RTL10: variants seen among roughly 807,000 people sequenced by gnomAD.
The protein encoded by RTL10 is retrotransposon Gag like 10, also known as protein Bop.
For synonymous variants in RTL10, 199 were observed against 188.4 expected (o/e 1.06, Z -0.46); for missense variants, 477 against 470.7 (o/e 1.01, Z -0.12).
rs1316327208 is a variant in RTL10 at position 19,846,721 on chromosome 22, T to C, written c.*4446A>G. The C allele has an allele frequency of 2.8e-6, 1 of 357,498 alleles. No homozygotes were observed. Among genetic ancestry groups the C allele is most frequent in the African/African-American group, 2.2e-5 (1 of 45,278 alleles). 22.1% of individuals were successfully genotyped at this position (357,498 alleles called of 1,614,324 possible). A position where few individuals can be genotyped will look rare whatever the true frequency, so the allele number is the denominator to read the frequency against. On this transcript the variant is annotated 3_prime_UTR_variant, in exon 3 of 3. Transcript: ENST00000328554. The stretch of plus-strand genomic sequence containing the variant: ...CTGATCCAATAGACTAGTGAGCTTA[T>C]GAGAGATTAGGACACAGACACAGAC...
At position 19,846,490 on chromosome 22, in the gene RTL10, A is replaced by C; in HGVS notation, c.*4677T>G. ...GGCCTGGGGGACTCTGCACACAGGCATGTGGAGACCACAGAAGCCTGCCCA... is the reference window on the plus strand; with the variant it reads ...GGCCTGGGGGACTCTGCACACAGGCCTGTGGAGACCACAGAAGCCTGCCCA... On this transcript the variant is annotated 3_prime_UTR_variant, in exon 3 of 3. Transcript: ENST00000328554. 3 of 985,382 alleles carry C rather than the reference A, an allele frequency of 3.0e-6. No individual in the cohort carries two copies. Among genetic ancestry groups the C allele is most frequent in the Non-Finnish European group, 3.6e-6 (3 of 829,872 alleles). 61.0% of individuals were successfully genotyped at this position (985,382 alleles called of 1,614,324 possible). A position where few individuals can be genotyped will look rare whatever the true frequency, so the allele number is the denominator to read the frequency against.
In RTL10 at chr22:19,846,306, G is replaced by C; in HGVS notation, c.*4861C>G. On this transcript the variant is annotated 3_prime_UTR_variant, in exon 3 of 3. Coordinates refer to ENST00000328554, the MANE Select transcript of RTL10 (RefSeq NM_024627.6). ...CAAGGTTGAATGTCAAAGGCAGAAAGTTACAACCTGGGAATACAGGATAAT... is the reference window on the plus strand; with the variant it reads ...CAAGGTTGAATGTCAAAGGCAGAAACTTACAACCTGGGAATACAGGATAAT... 1.4e-5 allele frequency: 8 copies of C among 562,958 alleles called. No individual in the cohort carries two copies. The highest frequency in any genetic ancestry group is 1.8e-5 in the Non-Finnish European group (8 of 443,108). 34.9% of individuals were successfully genotyped at this position (562,958 alleles called of 1,614,324 possible). A position where few individuals can be genotyped will look rare whatever the true frequency, so the allele number is the denominator to read the frequency against.
intron 2 of RTL10, among the ~76,000 whole-genome samples, chr22:19,853,994 C>A (rs1235274586): frequency 1.3e-5 from 2 of 152,216 alleles, no homozygotes; most frequent in Non-Finnish European, 2.9e-5. Context: ...GCCCACTCAC[C>A]TGCGCACCTG....
Position 19,852,232 on chromosome 22 carries a change from G to C in RTL10, c.30C>G (p.Gly10=). MPRGRCRQQ[G]PRIPIWAAAN... ...CGGCTGCCCAGATGGGAATGCGAGG[G>C]CCCTGCTGACGGCACCGGCCACGAG... The change falls in exon 3 of 3, where the codon GGC becomes GGG. Residue 10 remains glycine, a synonymous_variant. Transcript: ENST00000328554. 1 of 1,611,498 alleles carries C rather than the reference G, an allele frequency of 6.2e-7. No homozygotes were observed.
chr22:19,851,755 C>G lies in RTL10; in HGVS notation c.507G>C (p.Glu169Asp), dbSNP rs1938106155. ...CTTCCTTGAGATCCTGGCAGAAGAGCTCGTAATCGTCAGGCAGGGGCAGGT... is the reference window on the plus strand; with the variant it reads ...CTTCCTTGAGATCCTGGCAGAAGAGGTCGTAATCGTCAGGCAGGGGCAGGT... Reference protein sequence around the residue: ...DGDLPLPDDYELFCQDLKEVV... With the variant: ...DGDLPLPDDYDLFCQDLKEVV... The change falls in exon 3 of 3, where the codon GAG (glutamate) becomes GAC (aspartate). Residue 169 changes from glutamate (E) to aspartate (D), a missense_variant. Transcript: ENST00000328554. 3 of 1,610,274 alleles carry G rather than the reference C, an allele frequency of 1.9e-6. No individual in the cohort carries two copies. Among genetic ancestry groups the G allele is most frequent in the Non-Finnish European group, 2.5e-6 (3 of 1,177,162 alleles).
At position 19,849,050 on chromosome 22, in the gene RTL10, G is replaced by A. The variant is rs138852781; in HGVS notation, c.*2117C>T. On this transcript the variant is annotated 3_prime_UTR_variant, in exon 3 of 3. Transcript: ENST00000328554. ...AAGGGGGGATGGGGCCTGAGTCATC[G>A]GACGGAGGGCAGCTGTGACCTGGCA... The A allele has an allele frequency of 0.031, 31,015 of 985,404 alleles. 535 individuals carry two copies. The highest frequency in any genetic ancestry group is 0.035 in the Non-Finnish European group (29,257 of 829,892). The allele number at this position is 985,404 out of a possible 1,614,324, so 61.0% of individuals were successfully genotyped here. A position where few individuals can be genotyped will look rare whatever the true frequency, so the allele number is the denominator to read the frequency against.
chr22:19,851,830 C>T lies in RTL10; in HGVS notation c.432G>A (p.Arg144=). ...AGGCCTGGGCTCGGCCTGTTAGGCG[C>T]CTGAGGATCTCGCAGACACGGCTGA... ...DNISRVCEIL[R]RLTGRAQAWA... Residue 144 remains arginine, a synonymous_variant, in exon 3 of 3, where the codon AGG becomes AGA. Coordinates refer to ENST00000328554, the MANE Select transcript of RTL10 (RefSeq NM_024627.6). The T allele has an allele frequency of 6.2e-7, 1 of 1,613,942 alleles. No homozygotes were observed. The highest frequency in any genetic ancestry group is 8.5e-7 in the Non-Finnish European group (1 of 1,180,008).
chr22:19,848,064 C>T lies in RTL10; in HGVS notation c.*3103G>A. 1.0e-6 allele frequency: 1 copy of T among 985,382 alleles called. No individual in the cohort carries two copies. The highest frequency in any genetic ancestry group is 1.2e-6 in the Non-Finnish European group (1 of 829,884). 61.0% of individuals were successfully genotyped at this position (985,382 alleles called of 1,614,324 possible). A position where few individuals can be genotyped will look rare whatever the true frequency, so the allele number is the denominator to read the frequency against. On this transcript the variant is annotated 3_prime_UTR_variant, in exon 3 of 3. Transcript: ENST00000328554. Reference sequence around the variant, plus strand: ...CTATTCTCTGCTCATCTGTCCACATCTAAGTGCTTTAACTATTGTGGCTTT... The same window carrying T: ...CTATTCTCTGCTCATCTGTCCACATTTAAGTGCTTTAACTATTGTGGCTTT...
chr22:19,848,052 A>G lies in RTL10; in HGVS notation c.*3115T>C. 3.0e-6 allele frequency: 3 copies of G among 985,396 alleles called. No homozygotes were observed. Among genetic ancestry groups the G allele is most frequent in the Non-Finnish European group, 3.6e-6 (3 of 829,912 alleles). The allele number at this position is 985,396 out of a possible 1,614,324, so 61.0% of individuals were successfully genotyped here. On this transcript the variant is annotated 3_prime_UTR_variant, in exon 3 of 3. Transcript: ENST00000328554. ...TTTCAAAGTCCTCTATTCTCTGCTC[A>G]TCTGTCCACATCTAAGTGCTTTAAC...
At position 19,852,086 on chromosome 22, in the gene RTL10, C is replaced by A; in HGVS notation, c.176G>T (p.Arg59Leu). Residue 59 changes from arginine (R) to leucine (L), a missense_variant, in exon 3 of 3, where the codon CGA (arginine) becomes CTA (leucine). Arg to Leu is a moderately radical substitution (Grantham distance 102). Coordinates refer to ENST00000328554, the MANE Select transcript of RTL10 (RefSeq NM_024627.6). ...TGTGCTCTTCTGCTCCATGGTCGTT[C>A]GCACACACACGGTGTCCCCACAGCA... ...RPCCGDTVCV[R>L]TTMEQKSTAS... 3.1e-6 allele frequency: 5 copies of A among 1,614,232 alleles called. No individual in the cohort carries two copies. The highest frequency in any genetic ancestry group is 4.2e-6 in the Non-Finnish European group (5 of 1,180,044).
rs1007408346 is a variant in RTL10 at position 19,846,962 on chromosome 22, A to T, written c.*4205T>A. 3 of 985,496 alleles carry T rather than the reference A, an allele frequency of 3.0e-6. No homozygotes were observed. Among genetic ancestry groups the T allele is most frequent in the Non-Finnish European group, 3.6e-6 (3 of 830,000 alleles). The allele number at this position is 985,496 out of a possible 1,614,324, so 61.0% of individuals were successfully genotyped here. A position where few individuals can be genotyped will look rare whatever the true frequency, so the allele number is the denominator to read the frequency against. ...GGATGCAGGCCCCTCCCATCCTCCC[A>T]TCCTCAGCAGCACCAACCAGCCCCA... On this transcript the variant is annotated 3_prime_UTR_variant, in exon 3 of 3. Transcript: ENST00000328554.
In RTL10 at chr22:19,849,219, C is replaced by T. The variant is rs1296403757; in HGVS notation, c.*1948G>A. On this transcript the variant is annotated 3_prime_UTR_variant, in exon 3 of 3. Coordinates refer to ENST00000328554, the MANE Select transcript of RTL10 (RefSeq NM_024627.6). ...TCTAAAAATAGCTTCCCACCTATTT[C>T]CAAGGTTTCCAGTTGTTTTACCTAC... 4.1e-6 allele frequency: 4 copies of T among 985,278 alleles called. No individual in the cohort carries two copies. The highest frequency in any genetic ancestry group is 4.8e-6 in the Non-Finnish European group (4 of 829,902). The allele number at this position is 985,278 out of a possible 1,614,324, so 61.0% of individuals were successfully genotyped here.
rs1176147271 is a variant in RTL10, at chr22:19,849,438, G to A, written c.*1729C>T. 1.1e-5 allele frequency: 4 copies of A among 379,956 alleles called. No homozygotes were observed. The highest frequency in any genetic ancestry group is 1.1e-5 in the Non-Finnish European group (3 of 278,986). 23.5% of individuals were successfully genotyped at this position (379,956 alleles called of 1,614,324 possible). The stretch of plus-strand genomic sequence containing the variant: ...GGCTGGAGTGCAATGGCGTGATCTC[G>A]GCTCACCACACCCTCTGCCTCCTGG... On this transcript the variant is annotated 3_prime_UTR_variant, in exon 3 of 3. Coordinates refer to ENST00000328554, the MANE Select transcript of RTL10 (RefSeq NM_024627.6).
Position 19,850,654 on chromosome 22 carries a change from C to G in RTL10, c.*513G>C. 1 of 1,227,822 alleles carries G rather than the reference C, an allele frequency of 8.1e-7. No homozygotes were observed. The highest frequency in any genetic ancestry group is 1.0e-6 in the Non-Finnish European group (1 of 986,168). 76.1% of individuals were successfully genotyped at this position (1,227,822 alleles called of 1,614,324 possible). A position where few individuals can be genotyped will look rare whatever the true frequency, so the allele number is the denominator to read the frequency against. On this transcript the variant is annotated 3_prime_UTR_variant, in exon 3 of 3. Transcript: ENST00000328554. Reference sequence around the variant, plus strand: ...AATCAAAGTGGCCACTTCCTCCAGGCAGCCTTCCTCACATTCCAGCTGGGA... The same window carrying G: ...AATCAAAGTGGCCACTTCCTCCAGGGAGCCTTCCTCACATTCCAGCTGGGA...
Position 19,849,188 on chromosome 22 carries a change from C to T in RTL10, c.*1979G>A. ...ACTTGCTTTGCTACCAGGGCTATAC[C>T]TGCTTTCTAAAAATAGCTTCCCACC... is the stretch of plus-strand genomic sequence containing the variant. On this transcript the variant is annotated 3_prime_UTR_variant, in exon 3 of 3. Coordinates refer to ENST00000328554, the MANE Select transcript of RTL10 (RefSeq NM_024627.6). 2 of 985,402 alleles carry T rather than the reference C, an allele frequency of 2.0e-6. No homozygotes were observed. Among genetic ancestry groups the T allele is most frequent in the Non-Finnish European group, 2.4e-6 (2 of 829,928 alleles). 61.0% of individuals were successfully genotyped at this position (985,402 alleles called of 1,614,324 possible). A position where few individuals can be genotyped will look rare whatever the true frequency, so the allele number is the denominator to read the frequency against.
In RTL10 at chr22:19,851,105, G is replaced by A. The variant is rs1938083215; in HGVS notation, c.*62C>T. The A allele has an allele frequency of 2.0e-6, 3 of 1,503,864 alleles. No homozygotes were observed. The highest frequency in any genetic ancestry group is 2.7e-6 in the Non-Finnish European group (3 of 1,124,706). 93.2% of individuals were successfully genotyped at this position (1,503,864 alleles called of 1,614,324 possible). On this transcript the variant is annotated 3_prime_UTR_variant, in exon 3 of 3. Transcript: ENST00000328554. ...CTCTGCTCTGACTGGGGACTATGGG[G>A]CGCTCAAGCCACACAGGCCACTTCA...
In RTL10 at chr22:19,851,819, C is replaced by T. The variant is rs1426102985; in HGVS notation, c.443G>A (p.Gly148Asp). The T allele has an allele frequency of 6.2e-7, 1 of 1,613,934 alleles. No individual in the cohort carries two copies. Among genetic ancestry groups the T allele is most frequent in the East Asian group, 2.2e-5 (1 of 44,876 alleles). ...RVCEILRRLT[G>D]RAQAWAAPYL... is the part of the protein sequence containing the mutation. ...GGGGGCTGCCCAGGCCTGGGCTCGGCCTGTTAGGCGCCTGAGGATCTCGCA... is the reference window on the plus strand; with the variant it reads ...GGGGGCTGCCCAGGCCTGGGCTCGGTCTGTTAGGCGCCTGAGGATCTCGCA... Residue 148 changes from glycine to aspartate, a missense_variant, in exon 3 of 3, where the codon GGC becomes GAC. Transcript: ENST00000328554.
chr22:19,851,308 A>C lies in RTL10; in HGVS notation c.954T>G (p.His318Gln). The C allele has an allele frequency of 6.2e-7, 1 of 1,614,002 alleles. No homozygotes were observed. The highest frequency in any genetic ancestry group is 8.5e-7 in the Non-Finnish European group (1 of 1,179,964). The change falls in exon 3 of 3, where the codon CAT becomes CAG. Residue 318 changes from histidine to glutamine, a missense_variant. Transcript: ENST00000328554. ...NPPAQRPDPA[H>Q]PGGPKPQKTE... is the part of the protein sequence containing the mutation. ...TTTTCTGGGGTTTTGGACCTCCTGGATGAGCTGGGTCTGGTCTCTGGGCAG... is the reference window on the plus strand; with the variant it reads ...TTTTCTGGGGTTTTGGACCTCCTGGCTGAGCTGGGTCTGGTCTCTGGGCAG...
rs755351788 is a variant in RTL10 at position 19,852,006 on chromosome 22, T to C, written c.256A>G (p.Met86Val). Residue 86 changes from methionine (M) to valine (V), a missense_variant, in exon 3 of 3, where the codon ATG (methionine) becomes GTG (valine). Physicochemically the swap from Met to Val is conservative, Grantham distance 21. Transcript: ENST00000328554. ...ACCCTGTGGGGTCGGGAGCTGGGCATGTGCCCAGCTAGGGGACCCCTTTCT... is the reference window on the plus strand; with the variant it reads ...ACCCTGTGGGGTCGGGAGCTGGGCACGTGCCCAGCTAGGGGACCCCTTTCT... ...PAERGPLAGH[M>V]PSSRPHRVDF... 4 of 1,614,176 alleles carry C rather than the reference T, an allele frequency of 2.5e-6. No individual in the cohort carries two copies. The highest frequency in any genetic ancestry group is 2.7e-5 in the African/African-American group (2 of 75,072).
Sources: gnomAD v4.1 joint callset for allele counts (sites outside exome capture counted in the v4.1 genomes callset) on GRCh38, gnomAD v4.1.1 for gene constraint, MANE v1.5 for transcripts, NCBI Gene and HGNC (gene_info 2026-07-23, HGNC 2026-07-21) for gene names.